FCGR2B: variants seen among roughly 807,000 people sequenced by gnomAD.
The protein encoded by FCGR2B is Fc gamma receptor IIb.
In FCGR2B, 18 loss-of-function variants were observed where a neutral mutation model predicts 24.8. That is an observed-to-expected ratio of 0.73 (90% confidence interval 0.50 to 1.08). The LOEUF (loss-of-function observed/expected upper bound fraction) is 1.08. Ranked by LOEUF, FCGR2B falls within the 50% of genes least tolerant of loss-of-function variation. The pLI is 0.00. For synonymous variants in FCGR2B, 79 were observed against 109.8 expected (o/e 0.72, Z 1.75); for missense variants, 215 against 297.6 (o/e 0.72, Z 2.04).
At chr1:161,661,422 T>C (rs1681093651), upstream of FCGR2B, among the ~76,000 whole-genome samples, 1 of 107,246 alleles carries the variant, frequency 9.3e-6, no homozygotes. Context: ...TTACAACACG[T>C]GGATTACCAT....
In FCGR2B at chr1:161,677,505, C is replaced by T. The variant is rs781781542; in HGVS notation, c.885C>T (p.Leu295=). 3 of 1,614,006 alleles carry T rather than the reference C, an allele frequency of 1.9e-6. No homozygotes were observed. Among genetic ancestry groups the T allele is most frequent in the East Asian group, 2.2e-5 (1 of 44,900 alleles). Reference sequence around the variant, plus strand: ...AGAACACAATCACCTATTCACTTCTCATGCACCCGGATGCTCTGGAAGAGC... The same window carrying T: ...AGAACACAATCACCTATTCACTTCTTATGCACCCGGATGCTCTGGAAGAGC... ...GAENTITYSL[L]MHPDALEEPD... is the part of the protein sequence containing the mutation. The change falls in exon 8 of 8, where the codon CTC becomes CTT. Residue 295 remains leucine, a synonymous_variant. Coordinates refer to ENST00000358671, the MANE Select transcript of FCGR2B (RefSeq NM_001394477.1).
chr1:161,676,018 G>T, intron 6 of FCGR2B: 1 of 232,268 alleles, frequency 4.3e-6, no homozygotes, highest in Non-Finnish European at 8.5e-6. Flanking sequence ...GGTGGCCAGG[G>T]TGACCTCTCA....
intron 6 of FCGR2B, chr1:161,676,088 A>C (rs888990061): frequency 4.3e-6 from 1 of 230,572 alleles, no homozygotes; most frequent in Non-Finnish European, 8.6e-6. Context: ...CCCAGGTGGG[A>C]GTGTGTAAAG....
Position 161,673,032 on chromosome 1 carries a change from T to C in FCGR2B, c.449T>C (p.Leu150Pro). ...TTCCAGGAGGGAGAAACCATCGTGC[T>C]GAGGTGCCACAGCTGGAAGGACAAG... ...LEFQEGETIV[L>P]RCHSWKDKPL... The change falls in exon 4 of 8, where the codon CTG (leucine) becomes CCG (proline). Residue 150 changes from leucine (L) to proline (P), a missense_variant. Physicochemically the swap from Leu to Pro is moderately conservative, Grantham distance 98. Around this residue, in one of 5 missense-constraint regions of FCGR2B, gnomAD observed 39 missense variants for 73.3 expected, o/e 0.53. Coordinates refer to ENST00000358671, the MANE Select transcript of FCGR2B (RefSeq NM_001394477.1). 3 of 1,612,710 alleles carry C rather than the reference T, an allele frequency of 1.9e-6. No homozygotes were observed. The highest frequency in any genetic ancestry group is 2.5e-6 in the Non-Finnish European group (3 of 1,179,442).
rs952048383 is a variant in FCGR2B at position 161,678,634 on chromosome 1, A to C, written c.*1081A>C. The C allele has an allele frequency of 5.0e-6, 1 of 199,972 alleles. No individual in the cohort carries two copies. The highest frequency in any genetic ancestry group is 1.0e-5 in the Non-Finnish European group (1 of 96,916). 12.4% of individuals were successfully genotyped at this position (199,972 alleles called of 1,614,324 possible). A position where few individuals can be genotyped will look rare whatever the true frequency, so the allele number is the denominator to read the frequency against. On this transcript the variant is annotated 3_prime_UTR_variant, in exon 8 of 8. Coordinates refer to ENST00000358671, the MANE Select transcript of FCGR2B (RefSeq NM_001394477.1). The stretch of plus-strand genomic sequence containing the variant: ...CTTCTCTTTCCTCCTATGGCAAATA[A>C]AACACTGTTTTGCAACACAAGTTCA...
chr1:161,649,135 A>C, the FCGR2B span, among the ~76,000 whole-genome samples: 2 of 150,918 alleles, frequency 1.3e-5, no homozygotes, highest in Non-Finnish European at 2.9e-5. Flanking sequence ...TCACCATCTC[A>C]GTAGTAATTT....
chr1:161,672,907 A>G, intron 3 of FCGR2B, 68 bp from the exon 4 acceptor site: 1 of 1,598,606 alleles, frequency 6.3e-7, no homozygotes, highest in Admixed American at 1.7e-5. Context: ...CCCACCAGTA[A>G]GGAAGATCTG....
At chr1:161,652,111 T>C in the FCGR2B span, among the ~76,000 whole-genome samples, 1 of 129,182 alleles carries the variant, frequency 7.7e-6, no homozygotes, top group African/African-American at 2.6e-5. Flanking sequence ...CCTATGCTTC[T>C]TTGTCCTTCT....
At chr1:161,670,022 C>A (rs375037288) in intron 1 of FCGR2B, among the ~76,000 whole-genome samples, 807 of 12,042 alleles carry the variant, frequency 0.067, 46 homozygotes, top group Non-Finnish European at 0.13. Context: ...GAAAATGCCA[C>A]AAAACAGGTG....
chr1:161,654,817 T>TA, the FCGR2B span, among the ~76,000 whole-genome samples: 1 of 138,570 alleles, frequency 7.2e-6, no homozygotes, highest in East Asian at 1.9e-4. Context: ...GTTGCCTCAC[T>TA]ACCTCAGCAC....
the FCGR2B span, among the ~76,000 whole-genome samples, chr1:161,654,919 C>G: frequency 7.2e-6 from 1 of 138,296 alleles, no homozygotes; most frequent in East Asian, 1.9e-4. Context: ...GGGGGTGTTT[C>G]TAATGAAAAC....
At position 161,675,270 on chromosome 1, in the gene FCGR2B, C is replaced by G. The variant is rs1682020715; in HGVS notation, c.774C>G (p.Tyr258Ter). The change falls in exon 6 of 8, where the codon TAC (tyrosine) becomes TAG (stop). Residue 258 changes from tyrosine to a stop codon, truncating the protein, a stop_gained. Coordinates refer to ENST00000358671, the MANE Select transcript of FCGR2B (RefSeq NM_001394477.1). LOFTEE classifies it high-confidence loss of function. The part of the protein sequence containing the change: ...RKKRISALPG[Y>*]PECREMGETL... ...TGCCCCTCCCAGCTCTCCCAGGATA[C>G]CCTGAGTGCAGGGAAATGGGAGAGA... 1 of 1,606,482 alleles carries G rather than the reference C, an allele frequency of 6.2e-7. No individual in the cohort carries two copies. Among genetic ancestry groups the G allele is most frequent in the African/African-American group, 1.3e-5 (1 of 74,474 alleles).
At chr1:161,647,600 C>G in the FCGR2B span, among the ~76,000 whole-genome samples, 1 of 150,662 alleles carries the variant, frequency 6.6e-6, no homozygotes, top group Non-Finnish European at 1.5e-5. Flanking sequence ...CCACTGTGCC[C>G]GGCCTGCTCT....
At chr1:161,669,143 C>A (rs1330911018) in intron 1 of FCGR2B, among the ~76,000 whole-genome samples, 1 of 140,836 alleles carries the variant, frequency 7.1e-6, no homozygotes, top group Non-Finnish European at 1.6e-5. Context: ...AGATCTAGTG[C>A]CCTTTTGCAG....
chr1:161,676,430 G>A lies in FCGR2B; in HGVS notation c.818-898G>A, dbSNP rs149343366. 384 of 180,778 alleles carry A rather than the reference G, an allele frequency of 2.1e-3. 6 individuals are homozygous for A. Among genetic ancestry groups the A allele is most frequent in the Admixed American group, 0.014 (229 of 15,932 alleles). 11.2% of individuals were successfully genotyped at this position (180,778 alleles called of 1,614,324 possible). A position where few individuals can be genotyped will look rare whatever the true frequency, so the allele number is the denominator to read the frequency against. On this transcript the variant is annotated intron_variant, in intron 6 of 7. Coordinates refer to ENST00000358671, the MANE Select transcript of FCGR2B (RefSeq NM_001394477.1). ...AAGCAACTGGATTATCCATCTTGTTGTGTGGTTCTGTCTGCACTGGCATAA... is the reference window on the plus strand; with the variant it reads ...AAGCAACTGGATTATCCATCTTGTTATGTGGTTCTGTCTGCACTGGCATAA...
intron 6 of FCGR2B, chr1:161,675,988 C>T (rs1195456827): frequency 1.3e-5 from 3 of 232,404 alleles, no homozygotes; most frequent in Admixed American, 5.6e-5. Flanking sequence ...GGTTCAGTCT[C>T]CTCACTGAGG....
At chr1:161,673,396 A>G (rs1681858832) in intron 4 of FCGR2B, 167 bp downstream of exon 4, 9 of 836,548 alleles carry the variant, frequency 1.1e-5, no homozygotes, top group Non-Finnish European at 4.0e-6. Context: ...AATGAGCAGG[A>G]GTAGGGGCCA....
the FCGR2B span, among the ~76,000 whole-genome samples, chr1:161,649,533 T>C: frequency 8.1e-4 from 122 of 150,986 alleles, 6 homozygotes; most frequent in African/African-American, 2.8e-3. Context: ...GAACAATTGA[T>C]AAATCTTTTT....
chr1:161,676,459 C>T (rs1330970703), intron 6 of FCGR2B: 1 of 178,686 alleles, frequency 5.6e-6, no homozygotes, highest in Non-Finnish European at 1.2e-5. Flanking sequence ...GGCATAAGCA[C>T]ATTTCACAAG....
Sources: gnomAD v4.1 joint callset for allele counts (sites outside exome capture counted in the v4.1 genomes callset) on GRCh38, gnomAD v4.1.1 for gene constraint, gnomAD v4.1.1 regional missense constraint, MANE v1.5 for transcripts, NCBI Gene and HGNC (gene_info 2026-07-23, HGNC 2026-07-21) for gene names.